The following PPARD variants were observed in gnomAD, a reference collection of about 807,000 sequenced individuals.
PPARD encodes peroxisome proliferator-activated receptor delta.
A neutral mutation model predicts 39.5 loss-of-function variants in PPARD; 6 were observed. The ratio of observed to expected loss-of-function variants is 0.15; its 90% CI spans 0.08 to 0.30. PPARD has a LOEUF of 0.30. Ranked by LOEUF, PPARD falls within the 10% of genes least tolerant of loss-of-function variation. The pLI is 1.00. For missense variants in PPARD, 397 were observed against 596.8 expected, an observed-to-expected ratio of 0.67 and a Z score of 3.49; for synonymous variants, 210 against 231.3, an observed-to-expected ratio of 0.91 and a Z score of 0.83.
rs1765494430 is a variant in PPARD at position 35,412,500 on chromosome 6, T to C, written c.130+1283T>C. ...GCATGGAGCAGGAGGAGGCAGTTAG[T>C]GTCCAAGCTAAGGCAGGGTGAAGGC... On this transcript the variant is annotated intron_variant, in intron 3 of 7. Transcript: ENST00000360694. The surrounding 1 kb of genome is among the most constrained non-coding windows in gnomAD (Gnocchi z 4.1). Among the ~76,000 whole-genome samples, 1 of 152,164 alleles carries C rather than the reference T, an allele frequency of 6.6e-6. No homozygotes were observed. Among genetic ancestry groups the C allele is most frequent in the Admixed American group, 6.5e-5 (1 of 15,274 alleles).
In PPARD at chr6:35,420,111, C is replaced by T. The variant is rs1209329873; in HGVS notation, c.131-16C>T. ...CTGGCAGCATGTGGAGCTGCCCCTCCATCGTGTGTCCGCAGACCTCTCCCG... is the reference window on the plus strand; with the variant it reads ...CTGGCAGCATGTGGAGCTGCCCCTCTATCGTGTGTCCGCAGACCTCTCCCG... On this transcript the variant is annotated splice_polypyrimidine_tract_variant and intron_variant, in intron 3 of 7. Coordinates refer to ENST00000360694, the MANE Select transcript of PPARD (RefSeq NM_006238.5). 3 of 1,608,984 alleles carry T rather than the reference C, an allele frequency of 1.9e-6. No individual in the cohort carries two copies. Among genetic ancestry groups the T allele is most frequent in the African/African-American group, 1.3e-5 (1 of 74,712 alleles).
chr6:35,348,698 G>C, intron 2 of PPARD: 1 of 985,370 alleles, frequency 1.0e-6, no homozygotes, highest in Non-Finnish European at 1.2e-6. Context: ...GTCTGTGGGG[G>C]TCAGGTTGTT....
intron 1 of PPARD, 113 bp from the exon 2 acceptor site, chr6:35,346,952 GCC>G: frequency 1.1e-5 from 7 of 618,262 alleles, no homozygotes; most frequent in Admixed American, 6.3e-5. Context: ...CCGACGAGGA[GCC>G]AGATTACCTT....
At chr6:35,423,582 T>C (rs1766353549) in intron 5 of PPARD, among the ~76,000 whole-genome samples, 1 of 151,576 alleles carries the variant, frequency 6.6e-6, no homozygotes, top group African/African-American at 2.4e-5. Flanking sequence ...CTGCCCCAAG[T>C]CACAAAGCTA....
At chr6:35,355,553 A>T (rs1383771360) in intron 2 of PPARD, among the ~76,000 whole-genome samples, 3 of 65,504 alleles carry the variant, frequency 4.6e-5, no homozygotes, top group South Asian at 4.1e-4. Flanking sequence ...CCCTGTCTGT[A>T]AAAAAAAAAA....
intron 2 of PPARD, among the ~76,000 whole-genome samples, chr6:35,376,819 G>T (rs1190297830): frequency 2.0e-5 from 3 of 151,864 alleles, no homozygotes; most frequent in African/African-American, 7.3e-5. Flanking sequence ...AGGAGATTGA[G>T]ACCATCCTGG....
At chr6:35,419,668 C>T (rs1471463082) in intron 3 of PPARD, among the ~76,000 whole-genome samples, 2 of 152,202 alleles carry the variant, frequency 1.3e-5, no homozygotes, top group Non-Finnish European at 1.5e-5. Flanking sequence ...GTCTACAGTC[C>T]TGCAGTTTCT....
At chr6:35,397,797 A>G (rs1294943369) in intron 2 of PPARD, among the ~76,000 whole-genome samples, 1 of 152,202 alleles carries the variant, frequency 6.6e-6, no homozygotes, top group Non-Finnish European at 1.5e-5. Flanking sequence ...GAAGCAGGGA[A>G]GGGAGATGGA....
At chr6:35,370,930 A>G (rs1762451135) in intron 2 of PPARD, among the ~76,000 whole-genome samples, 2 of 152,128 alleles carry the variant, frequency 1.3e-5, no homozygotes, top group South Asian at 4.1e-4. Context: ...CTGGCTGCTC[A>G]TTCTTTTCTT....
chr6:35,406,844 G>A (rs570465806), intron 2 of PPARD, among the ~76,000 whole-genome samples: 85 of 152,294 alleles, frequency 5.6e-4, no homozygotes, highest in African/African-American at 1.6e-3. Context: ...TGAGTAACAC[G>A]GCCCAGTGCA....
chr6:35,422,639 A>G (rs533530795), intron 5 of PPARD, among the ~76,000 whole-genome samples: 1 of 152,254 alleles, frequency 6.6e-6, no homozygotes, highest in South Asian at 2.1e-4. Context: ...TTACCCAGGG[A>G]TGCCCTAACT....
At chr6:35,344,034 T>TG (rs1352835017) in intron 1 of PPARD, among the ~76,000 whole-genome samples, 2 of 152,156 alleles carry the variant, frequency 1.3e-5, no homozygotes, top group Non-Finnish European at 1.5e-5. Flanking sequence ...CTGATAGCCC[T>TG]GGGGCTGGCG....
intron 2 of PPARD, among the ~76,000 whole-genome samples, chr6:35,406,266 G>A (rs912695915): frequency 7.2e-5 from 11 of 152,196 alleles, no homozygotes; most frequent in African/African-American, 2.4e-4. Context: ...AAAGGAAGAG[G>A]AGAATAGGGT....
rs1763074837 is a variant in PPARD at position 35,380,464 on chromosome 6, T to TTTTTTG, written c.-101-30518_-101-30517insGTTTTT. On this transcript the variant is annotated intron_variant, in intron 2 of 7. Transcript: ENST00000360694. ...TCAGAGCCAATTAACCTCGTGTTTT[T>TTTTTTG]TTTTTTTGTTTGTTTTTTTTTTTTT... Among the ~76,000 whole-genome samples, 20 of 115,376 alleles carry TTTTTTG rather than the reference T, an allele frequency of 1.7e-4. 1 individual carries two copies. Among genetic ancestry groups the TTTTTTG allele is most frequent in the African/African-American group, 1.1e-3 (16 of 14,996 alleles). The allele number at this position is 115,376 out of a possible 152,430, so 75.7% of individuals were successfully genotyped here.
chr6:35,419,785 GC>G (rs1273080551), intron 3 of PPARD, among the ~76,000 whole-genome samples: 1 of 152,146 alleles, frequency 6.6e-6, no homozygotes, highest in African/African-American at 2.4e-5. Flanking sequence ...TCTCTCTCTT[GC>G]TTTCCTCCCA....
chr6:35,347,019 C>G, intron 1 of PPARD, 48 bp from the exon 2 acceptor site: 2 of 1,239,906 alleles, frequency 1.6e-6, no homozygotes, highest in Non-Finnish European at 2.2e-6. Flanking sequence ...CTTTGAGGGC[C>G]CCTGGCACCT....
intron 2 of PPARD, among the ~76,000 whole-genome samples, chr6:35,380,076 G>A (rs1004178265): frequency 6.6e-6 from 1 of 152,226 alleles, no homozygotes; most frequent in Non-Finnish European, 1.5e-5. Flanking sequence ...GAATGTCTGG[G>A]AGTGTGACTT....
intron 2 of PPARD, among the ~76,000 whole-genome samples, chr6:35,404,632 A>G (rs899143449): frequency 5.9e-5 from 9 of 152,212 alleles, no homozygotes; most frequent in African/African-American, 2.2e-4. Context: ...CCAGCTGACC[A>G]GGAGCACAGA....
chr6:35,377,469 A>C (rs1762874262), intron 2 of PPARD, among the ~76,000 whole-genome samples: 1 of 152,176 alleles, frequency 6.6e-6, no homozygotes, highest in African/African-American at 2.4e-5. Flanking sequence ...TTAGCTCTTA[A>C]ATTTTACACT....
Sources: allele counts gnomAD v4.1 joint callset (sites outside exome capture counted in the v4.1 genomes callset), GRCh38; gene constraint gnomAD v4.1.1; non-coding constraint Gnocchi (gnomAD v3.1); transcripts MANE v1.5; gene names NCBI Gene and HGNC (gene_info 2026-07-23, HGNC 2026-07-21).